The following ARL17B variants were observed in gnomAD, a reference collection of about 807,000 sequenced individuals.
ARL17B encodes the protein ARF like GTPase 17B, also known as ADP-ribosylation factor-like protein 17.
intron 3 of ARL17B, among the ~76,000 whole-genome samples, chr17:46,327,108 G>A (rs2051776903): frequency 1.2e-5 from 1 of 86,496 alleles, no homozygotes; most frequent in African/African-American, 3.1e-5. Flanking sequence ...AAAGATAGCT[G>A]TCTTGTAAAT....
At chr17:46,304,889 G>A (rs1240455608) in intron 3 of ARL17B, among the ~76,000 whole-genome samples, 5 of 66,998 alleles carry the variant, frequency 7.5e-5, no homozygotes, top group African/African-American at 1.8e-4. Flanking sequence ...GTTTGTTTGA[G>A]ACGGAATCTC....
intron 4 of ARL17B, among the ~76,000 whole-genome samples, chr17:46,279,978 AT>A (rs2049715722): frequency 6.6e-6 from 1 of 152,152 alleles, no homozygotes. Flanking sequence ...TCCTGCTAGG[AT>A]TTGGATTGCT....
chr17:46,279,500 C>CTTTTTTTT (rs369361891), intron 4 of ARL17B, among the ~76,000 whole-genome samples: 5 of 122,428 alleles, frequency 4.1e-5, no homozygotes, highest in African/African-American at 3.3e-5. Flanking sequence ...TTCTTTCTTT[C>CTTTTTTTT]TTTTTTTTTT....
intron 4 of ARL17B, among the ~76,000 whole-genome samples, chr17:46,280,449 G>A (rs1197352852): frequency 2.0e-5 from 3 of 152,338 alleles, no homozygotes; most frequent in Non-Finnish European, 4.4e-5. Flanking sequence ...CAAGGTTGGC[G>A]GGAGGATCGC....
At chr17:46,280,606 C>T (rs1847969981) in intron 4 of ARL17B, among the ~76,000 whole-genome samples, 1 of 131,728 alleles carries the variant, frequency 7.6e-6, no homozygotes. Context: ...CAGAGTCTCA[C>T]TCTGACACCC....
Position 46,336,270 on chromosome 17 carries a change from C to A in ARL17B, c.*3230G>T, listed in dbSNP as rs1158535199. ...CTGGTTTTTGGGCCCCTACTCTATT[C>A]CTTTTATGCAAACCTCACAGAATTT... On this transcript the variant is annotated 3_prime_UTR_variant, in exon 4 of 4. Coordinates refer to ENST00000450673, the MANE Select transcript of ARL17B (RefSeq NM_001039083.5). Among the ~76,000 whole-genome samples the A allele has an allele frequency of 3.4e-4, 9 of 26,112 alleles. No homozygotes were observed. The Admixed American group carries it at 3.6e-3, about 10-fold the overall frequency. 17.1% of individuals were successfully genotyped at this position (26,112 alleles called of 152,430 possible). A position where few individuals can be genotyped will look rare whatever the true frequency, so the allele number is the denominator to read the frequency against.
chr17:46,275,111 C>T (rs543909416), exon 5 of ARL17B: 1 of 228,102 alleles, frequency 4.4e-6, no homozygotes, highest in East Asian at 1.7e-4. Context: ...AGGCTGGTCT[C>T]GAACTCCCGA....
chr17:46,275,082 G>T (rs765644906), exon 5 of ARL17B: 164 of 190,958 alleles, frequency 8.6e-4, no homozygotes, highest in Non-Finnish European at 1.4e-3. Flanking sequence ...GGTAGAGACG[G>T]GGTTTCTCCA....
intron 4 of ARL17B, among the ~76,000 whole-genome samples, chr17:46,286,915 A>G (rs2049936548): frequency 6.6e-6 from 1 of 152,246 alleles, no homozygotes; most frequent in Admixed American, 6.5e-5. Context: ...TGCGATGCCA[A>G]CACATTCTCC....
intron 3 of ARL17B, among the ~76,000 whole-genome samples, chr17:46,326,051 CAGG>C (rs1390688160): frequency 3.6e-5 from 2 of 55,466 alleles, no homozygotes; most frequent in Non-Finnish European, 1.4e-4. Context: ...TGCTTGTGCC[CAGG>C]AGTTCGAGAC....
rs566232283 is a variant in ARL17B, at chr17:46,277,579, C to G, written c.*22-2161G>C. Among the ~76,000 whole-genome samples, 5 of 152,280 alleles carry G rather than the reference C, an allele frequency of 3.3e-5. No individual in the cohort carries two copies. In the South Asian group the frequency reaches 1.0e-3, roughly 32 times the overall value. On this transcript the variant is annotated intron_variant, in intron 4 of 4. Transcript: ENST00000570618. The stretch of plus-strand genomic sequence containing the variant: ...ACCTTAACTCCCTCTGAAATCCAGG[C>G]TCCCTATGATCAATCCCCTTGACCT...
chr17:46,281,355 C>T (rs2532320), intron 4 of ARL17B, among the ~76,000 whole-genome samples: 18,249 of 145,980 alleles, frequency 0.13, 1,714 homozygotes, highest in Non-Finnish European at 0.19. Context: ...TTTAAAGTCC[C>T]GTGACTCGCA....
chr17:46,350,558 G>C (rs1253138641), intron 3 of ARL17B, among the ~76,000 whole-genome samples: 8 of 68,780 alleles, frequency 1.2e-4, no homozygotes, highest in Non-Finnish European at 3.1e-4. Flanking sequence ...GGAATAAGCA[G>C]TTAAAAAAAA....
intron 4 of ARL17B, among the ~76,000 whole-genome samples, chr17:46,290,152 C>A (rs3110330): frequency 2.7e-5 from 4 of 149,654 alleles, no homozygotes; most frequent in African/African-American, 9.7e-5. Context: ...TTTTTGGAGA[C>A]AGGGCCTCAC....
At chr17:46,274,689 G>A (rs1180126654), downstream of ARL17B, 2 of 152,536 alleles carry the variant, frequency 1.3e-5, no homozygotes, top group Non-Finnish European at 2.9e-5. Flanking sequence ...TTTTCTTTGA[G>A]ACTCTAAACC....
At chr17:46,277,170 A>G (rs1434570998) in intron 4 of ARL17B, among the ~76,000 whole-genome samples, 2 of 152,208 alleles carry the variant, frequency 1.3e-5, no homozygotes, top group East Asian at 3.8e-4. Flanking sequence ...TTTATTGAAA[A>G]TTATGTCAAC....
At chr17:46,284,205 C>T (rs538748981) in intron 4 of ARL17B, among the ~76,000 whole-genome samples, 99 of 152,338 alleles carry the variant, frequency 6.5e-4, no homozygotes, top group African/African-American at 2.3e-3. Context: ...TCCCTTCCCA[C>T]GAGGCCATAT....
At chr17:46,317,193 T>C (rs2051202734) in intron 3 of ARL17B, among the ~76,000 whole-genome samples, 1 of 80,850 alleles carries the variant, frequency 1.2e-5, no homozygotes, top group Non-Finnish European at 3.7e-5. Context: ...GCATGCCCAG[T>C]TAGTTTTAAA....
At chr17:46,332,650 C>T (rs371044051), downstream of ARL17B, 149,753 of 970,008 alleles carry the variant, frequency 0.15, 4 homozygotes, top group Non-Finnish European at 0.2. Context: ...TTTTCTGCCT[C>T]ATTGTGGTAA....
Sources: gnomAD v4.1 joint callset for allele counts (sites outside exome capture counted in the v4.1 genomes callset) on GRCh38, gnomAD v4.1.1 for gene constraint, MANE v1.5 for transcripts, NCBI Gene and HGNC (gene_info 2026-07-23, HGNC 2026-07-21) for gene names.